PCDHA3: variants seen among roughly 807,000 people sequenced by gnomAD.
PCDHA3 encodes the protein protocadherin alpha-3.
Under a neutral mutation model 62.2 loss-of-function variants are expected in PCDHA3, and 41 were observed. The ratio of observed to expected loss-of-function variants is 0.66; its 90% CI spans 0.51 to 0.86. PCDHA3 has a LOEUF of 0.86. PCDHA3 is among the 40% of genes least tolerant of loss of function. The pLI, the probability that PCDHA3 is intolerant of heterozygous loss-of-function variation, is 0.00. For synonymous variants in PCDHA3, 640 were observed against 555.4 expected, an observed-to-expected ratio of 1.15 and a Z score of -2.14; for missense variants, 1,304 against 1,241.2, an observed-to-expected ratio of 1.05 and a Z score of -0.76.
At chr5:140,978,615 T>C in intron 1 of PCDHA3, among the ~76,000 whole-genome samples, 1 of 152,238 alleles carries the variant, frequency 6.6e-6, no homozygotes, top group East Asian at 1.9e-4. Context: ...GCAAAAGCAG[T>C]GAAAGCTTTT....
At position 140,976,185 on chromosome 5, in the gene PCDHA3, A is replaced by G. The variant is rs545410193; in HGVS notation, c.2395-2764A>G. Among the ~76,000 whole-genome samples the G allele has an allele frequency of 4.6e-5, 7 of 152,340 alleles. No homozygotes were observed. The South Asian group carries it at 1.2e-3, about 27-fold the overall frequency. ...TTTAGTTTTGTATTGTTTTAAATCAATATCCTGGAAACTCAGAAGTAAAAA... is the reference window on the plus strand; with the variant it reads ...TTTAGTTTTGTATTGTTTTAAATCAGTATCCTGGAAACTCAGAAGTAAAAA... On this transcript the variant is annotated intron_variant, in intron 1 of 3. Coordinates refer to ENST00000522353, the MANE Select transcript of PCDHA3 (RefSeq NM_018906.3).
intron 1 of PCDHA3, chr5:140,805,162 G>A: frequency 6.5e-7 from 1 of 1,541,292 alleles, no homozygotes; most frequent in Non-Finnish European, 8.7e-7. Context: ...TCACTTCACA[G>A]ATGTACTGAT....
At chr5:140,907,170 TG>T (rs1318866379) in intron 1 of PCDHA3, among the ~76,000 whole-genome samples, 1 of 152,188 alleles carries the variant, frequency 6.6e-6, no homozygotes. Flanking sequence ...TATTGGATGC[TG>T]ATTCAGAGCA....
At chr5:140,951,822 C>T (rs926525028) in intron 1 of PCDHA3, among the ~76,000 whole-genome samples, 11 of 152,152 alleles carry the variant, frequency 7.2e-5, no homozygotes, top group African/African-American at 2.7e-4. Flanking sequence ...AAAGTCTGAA[C>T]TCATTCCAGC....
chr5:140,809,381 T>A, intron 1 of PCDHA3: 1 of 1,613,878 alleles, frequency 6.2e-7, no homozygotes, highest in East Asian at 2.2e-5. Flanking sequence ...CGAGGGCGCG[T>A]GCGCTCCGGG....
intron 1 of PCDHA3, among the ~76,000 whole-genome samples, chr5:140,944,191 G>A (rs181232402): frequency 6.6e-6 from 1 of 151,980 alleles, no homozygotes. Flanking sequence ...GGTTTGTTTT[G>A]TTTTGTTTTG....
chr5:140,984,969 G>A (rs1045140349), intron 3 of PCDHA3, among the ~76,000 whole-genome samples: 8 of 151,670 alleles, frequency 5.3e-5, no homozygotes, highest in South Asian at 2.1e-4. Context: ...ACAGAGTCTC[G>A]CTCTGTCCCC....
At chr5:140,899,382 TGA>T (rs2067295037) in intron 1 of PCDHA3, among the ~76,000 whole-genome samples, 1 of 152,198 alleles carries the variant, frequency 6.6e-6, no homozygotes, top group Non-Finnish European at 1.5e-5. Context: ...CCTAATTTAT[TGA>T]GAGTTTTTAG....
At chr5:140,884,446 G>C in intron 1 of PCDHA3, 1 of 1,613,770 alleles carries the variant, frequency 6.2e-7, no homozygotes, top group Non-Finnish European at 8.5e-7. Context: ...GCTCGGCACC[G>C]CCCACCGAGG....
chr5:140,850,804 T>C lies in PCDHA3; in HGVS notation c.2394+47213T>C, dbSNP rs2150498986. ...GAGGGTAAGCAGAAGACCGACCTCA[T>C]GGCCTTCAGCCCGGGCCTTTCTCCT... On this transcript the variant is annotated intron_variant, in intron 1 of 3. Transcript: ENST00000522353. The C allele has an allele frequency of 3.1e-6, 5 of 1,598,410 alleles. No homozygotes were observed. The East Asian group carries it at 1.1e-4, about 36-fold the overall frequency.
chr5:140,817,277 G>A (rs146326021), intron 1 of PCDHA3: 61 of 152,396 alleles, frequency 4.0e-4, no homozygotes, highest in African/African-American at 1.4e-3. Context: ...ATGGAACTGT[G>A]CTGCTGGATG....
At chr5:140,967,315 G>A (rs1554229427) in intron 1 of PCDHA3, 1 of 1,610,854 alleles carries the variant, frequency 6.2e-7, no homozygotes, top group African/African-American at 1.3e-5. Context: ...ACTCAGTACA[G>A]ACCTACGAGC....
At chr5:140,810,236 A>C (rs1554125448) in intron 1 of PCDHA3, 1 of 152,092 alleles carries the variant, frequency 6.6e-6, no homozygotes, top group East Asian at 1.9e-4. Context: ...TATTTATTCT[A>C]CTGTTCAGGA....
At chr5:140,931,852 G>A (rs1177917853) in intron 1 of PCDHA3, among the ~76,000 whole-genome samples, 1 of 151,728 alleles carries the variant, frequency 6.6e-6, no homozygotes, top group Admixed American at 6.6e-5. Flanking sequence ...AATAACAACA[G>A]GATTCTAGAA....
In PCDHA3 at chr5:140,868,951, A is replaced by G; in HGVS notation, c.2394+65360A>G. On this transcript the variant is annotated intron_variant, in intron 1 of 3. Transcript: ENST00000522353. ...TAAAGGTTGGTCTGAACAGTGAGGC[A>G]CTCCCATACAAAGGAACTCCATCAT... 4.5e-6 allele frequency: 6 copies of G among 1,321,586 alleles called. No individual in the cohort carries two copies. The South Asian group carries it at 7.6e-5, about 17-fold the overall frequency. The allele number at this position is 1,321,586 out of a possible 1,614,324, so 81.9% of individuals were successfully genotyped here. A position where few individuals can be genotyped will look rare whatever the true frequency, so the allele number is the denominator to read the frequency against.
chr5:140,870,167 C>G, intron 1 of PCDHA3: 1 of 1,614,134 alleles, frequency 6.2e-7, no homozygotes, highest in Non-Finnish European at 8.5e-7. Flanking sequence ...ACTTCCTTGT[C>G]CCTCCCAGTA....
At chr5:140,860,734 GTTTTTTA>G (rs1404225189) in intron 1 of PCDHA3, 2 of 152,108 alleles carry the variant, frequency 1.3e-5, no homozygotes, top group Non-Finnish European at 2.9e-5. Context: ...TGGTTTTTTT[GTTTTTTA>G]TTTTTTATTT....
intron 1 of PCDHA3, chr5:140,824,627 T>TTTTTTG (rs1554130003): frequency 3.7e-5 from 5 of 134,070 alleles, no homozygotes; most frequent in African/African-American, 1.6e-4. Flanking sequence ...TTTTTTTTTT[T>TTTTTTG]TTTTTATTTT....
At chr5:140,830,409 G>C (rs2150186179) in intron 1 of PCDHA3, 1 of 1,614,158 alleles carries the variant, frequency 6.2e-7, no homozygotes. Context: ...ATGGCCTTTA[G>C]CCCCAGCCTT....
Sources: allele counts gnomAD v4.1 joint callset (sites outside exome capture counted in the v4.1 genomes callset), GRCh38; gene constraint gnomAD v4.1.1; transcripts MANE v1.5; gene names NCBI Gene and HGNC (gene_info 2026-07-23, HGNC 2026-07-21).